The following OR1J2 variants were observed in gnomAD, a reference collection of about 807,000 sequenced individuals.
OR1J2 encodes olfactory receptor 1J2.
For synonymous variants in OR1J2, 142 were observed against 99.7 expected (o/e 1.42, Z -2.52); for missense variants, 304 against 246.1 (o/e 1.24, Z -1.57).
chr9:122,503,021 TGGTTGC>T, the OR1J2 span, among the ~76,000 whole-genome samples: 1 of 152,150 alleles, frequency 6.6e-6, no homozygotes, highest in Admixed American at 6.5e-5. Context: ...CATCTACAGG[TGGTTGC>T]CTTAGTTGAT....
At chr9:122,503,161 A>G in the OR1J2 span, among the ~76,000 whole-genome samples, 1 of 152,210 alleles carries the variant, frequency 6.6e-6, no homozygotes, top group African/African-American at 2.4e-5. Flanking sequence ...AGATGATGTC[A>G]TGTGGGATAT....
the OR1J2 span, chr9:122,519,128 G>A: frequency 4.5e-6 from 7 of 1,562,870 alleles, no homozygotes; most frequent in Non-Finnish European, 6.1e-6. Flanking sequence ...CCAGCAGAGA[G>A]AAGACTGTCA....
the OR1J2 span, among the ~76,000 whole-genome samples, chr9:122,452,212 G>T: frequency 2.0e-5 from 3 of 152,094 alleles, no homozygotes; most frequent in Admixed American, 2.0e-4. Flanking sequence ...CAGGTTCCAG[G>T]TATCACTGTG....
the OR1J2 span, among the ~76,000 whole-genome samples, chr9:122,481,181 G>T: frequency 2.6e-5 from 4 of 152,202 alleles, no homozygotes; most frequent in East Asian, 7.7e-4. Flanking sequence ...TTACAAGTGA[G>T]AACATGCAGT....
chr9:122,447,660 A>T, the OR1J2 span: 1 of 151,842 alleles, frequency 6.6e-6, no homozygotes, highest in African/African-American at 2.4e-5. Context: ...CACATGAAAA[A>T]AAAAACAAGC....
Position 122,511,512 on chromosome 9 carries a change from A to C in OR1J2, c.711A>C (p.Ala237=), listed in dbSNP as rs748982183. Residue 237 remains alanine (A), a synonymous_variant, in exon 1 of 1, where the codon GCA becomes GCC. Transcript: ENST00000335302. ...RVPSTKGIHK[A]LSTCGSHLSV... The stretch of plus-strand genomic sequence containing the variant: ...CTTCAACCAAAGGGATCCACAAAGC[A>C]TTGTCCACATGTGGCTCCCATCTCT... 2.4e-5 allele frequency: 19 copies of C among 780,642 alleles called. No individual in the cohort carries two copies. Among genetic ancestry groups the C allele is most frequent in the Non-Finnish European group, 4.5e-5 (19 of 418,088 alleles). 48.4% of individuals were successfully genotyped at this position (780,642 alleles called of 1,614,324 possible). A position where few individuals can be genotyped will look rare whatever the true frequency, so the allele number is the denominator to read the frequency against.
At chr9:122,542,818 T>C in the OR1J2 span, among the ~76,000 whole-genome samples, 5 of 152,204 alleles carry the variant, frequency 3.3e-5, no homozygotes, top group African/African-American at 1.2e-4. Flanking sequence ...CTGAATTCTG[T>C]CATTGTAGAT....
the OR1J2 span, among the ~76,000 whole-genome samples, chr9:122,504,925 A>G: frequency 6.6e-6 from 1 of 152,080 alleles, no homozygotes; most frequent in Non-Finnish European, 1.5e-5. Flanking sequence ...CAGAGCATCC[A>G]GTTCCTATAG....
chr9:122,539,464 A>G, the OR1J2 span, among the ~76,000 whole-genome samples: 1 of 152,192 alleles, frequency 6.6e-6, no homozygotes, highest in South Asian at 2.1e-4. Context: ...TTATGGCTGC[A>G]TAGTATTCCA....
At chr9:122,536,752 A>G in the OR1J2 span, among the ~76,000 whole-genome samples, 5 of 152,194 alleles carry the variant, frequency 3.3e-5, no homozygotes, top group African/African-American at 1.2e-4. Context: ...AAGATTAGAT[A>G]GGTTCCAGTT....
the OR1J2 span, among the ~76,000 whole-genome samples, chr9:122,528,630 A>G: frequency 6.6e-6 from 1 of 152,078 alleles, no homozygotes; most frequent in African/African-American, 2.4e-5. Flanking sequence ...AAAAATAATA[A>G]TCCCTACCTC....
the OR1J2 span, among the ~76,000 whole-genome samples, chr9:122,458,252 G>A: frequency 2.6e-5 from 4 of 152,120 alleles, no homozygotes; most frequent in Non-Finnish European, 5.9e-5. Flanking sequence ...CGTGTCAGTT[G>A]TCAGGAATGA....
At chr9:122,467,260 C>T in the OR1J2 span, among the ~76,000 whole-genome samples, 2 of 152,198 alleles carry the variant, frequency 1.3e-5, no homozygotes, top group African/African-American at 4.8e-5. Flanking sequence ...CCACTGACTA[C>T]TTTTGTTTCA....
At chr9:122,491,654 G>A in the OR1J2 span, among the ~76,000 whole-genome samples, 2 of 152,098 alleles carry the variant, frequency 1.3e-5, no homozygotes, top group African/African-American at 2.4e-5. Flanking sequence ...TGAGGATTTC[G>A]GTGACATGAC....
the OR1J2 span, among the ~76,000 whole-genome samples, chr9:122,527,502 A>G: frequency 6.6e-6 from 1 of 152,074 alleles, no homozygotes; most frequent in African/African-American, 2.4e-5. Context: ...TCTTTTACAC[A>G]TAGAGTCCCC....
the OR1J2 span, among the ~76,000 whole-genome samples, chr9:122,578,814 G>A: frequency 3.3e-5 from 5 of 152,080 alleles, no homozygotes; most frequent in Admixed American, 3.3e-4. Flanking sequence ...GAAAGGGTAG[G>A]AGAAGGTGAG....
At chr9:122,556,428 T>C in the OR1J2 span, among the ~76,000 whole-genome samples, 2 of 152,082 alleles carry the variant, frequency 1.3e-5, no homozygotes, top group Non-Finnish European at 2.9e-5. Flanking sequence ...TATTCTGTTA[T>C]ATTGATCTAT....
At chr9:122,561,832 A>C in the OR1J2 span, among the ~76,000 whole-genome samples, 1 of 152,128 alleles carries the variant, frequency 6.6e-6, no homozygotes, top group Non-Finnish European at 1.5e-5. Context: ...TGGGAGCAGG[A>C]CCCATTTAAT....
At chr9:122,572,788 C>T in the OR1J2 span, 1 of 152,154 alleles carries the variant, frequency 6.6e-6, no homozygotes, top group Non-Finnish European at 1.5e-5. Flanking sequence ...ACCTCTGTAT[C>T]CAGCGTTTTT....
Sources: gnomAD v4.1 joint callset for allele counts (sites outside exome capture counted in the v4.1 genomes callset) on GRCh38, gnomAD v4.1.1 for gene constraint, MANE v1.5 for transcripts, NCBI Gene and HGNC (gene_info 2026-07-23, HGNC 2026-07-21) for gene names.